The following C2CD2 variants were observed in gnomAD, a reference collection of about 807,000 sequenced individuals.
C2CD2 encodes the protein C2 calcium dependent domain containing 2.
Under a neutral mutation model 74.3 loss-of-function variants are expected in C2CD2, and 43 were observed. The observed-to-expected ratio is 0.58, with a 90% CI of 0.45 to 0.75. C2CD2 has a LOEUF of 0.75. C2CD2 is among the 30% of genes least tolerant of loss of function. C2CD2 has a pLI of 0.00. For synonymous variants in C2CD2, 422 were observed against 390.7 expected, an observed-to-expected ratio of 1.08 and a Z score of -0.94; for missense variants, 801 against 916.3, an observed-to-expected ratio of 0.87 and a Z score of 1.63.
At chr21:41,950,507 G>A (rs1298861323) in intron 1 of C2CD2, among the ~76,000 whole-genome samples, 2 of 152,230 alleles carry the variant, frequency 1.3e-5, no homozygotes, top group Non-Finnish European at 2.9e-5. Context: ...GGACTCCTCC[G>A]GTGCTGACCA....
At chr21:41,914,847 G>A (rs928890046) in intron 5 of C2CD2, 126 bp from the exon 6 acceptor site, 1 of 725,890 alleles carries the variant, frequency 1.4e-6, no homozygotes, top group African/African-American at 1.8e-5. Flanking sequence ...CCTGCACAGG[G>A]AGCCCGAGCT....
At chr21:41,901,139 C>A (rs923733362) in intron 12 of C2CD2, 8 of 209,296 alleles carry the variant, frequency 3.8e-5, no homozygotes, top group African/African-American at 9.2e-5. Context: ...CGTCCCAGAG[C>A]GGGAGAAGGG....
At chr21:41,891,667 T>C (rs1224075813) in intron 13 of C2CD2, among the ~76,000 whole-genome samples, 1 of 152,092 alleles carries the variant, frequency 6.6e-6, no homozygotes, top group Non-Finnish European at 1.5e-5. Context: ...TTGGAGGCCC[T>C]GAAGGGCCTA....
chr21:41,924,617 T>C lies in C2CD2; in HGVS notation c.379-2532A>G, dbSNP rs573430731. ...GAACATGCTTTGTGGCCAGATGAGTTACACGCACCAATGGCATGACACTGA... is the reference window on the plus strand; with the variant it reads ...GAACATGCTTTGTGGCCAGATGAGTCACACGCACCAATGGCATGACACTGA... On this transcript the variant is annotated intron_variant, in intron 2 of 13. Coordinates refer to ENST00000380486, the MANE Select transcript of C2CD2 (RefSeq NM_015500.2). The surrounding 1 kb of genome is among the most constrained non-coding windows in gnomAD (Gnocchi z 4.4). Among the ~76,000 whole-genome samples, 89 of 152,346 alleles carry C rather than the reference T, an allele frequency of 5.8e-4. No homozygotes were observed. The highest frequency in any genetic ancestry group is 2.0e-3 in the African/African-American group (85 of 41,572).
At chr21:41,920,437 T>C (rs1391825335) in intron 3 of C2CD2, among the ~76,000 whole-genome samples, 1 of 152,246 alleles carries the variant, frequency 6.6e-6, no homozygotes, top group Non-Finnish European at 1.5e-5. Context: ...AAGTGGACTC[T>C]CACCTCATGC....
chr21:41,937,646 T>C (rs2146221063), intron 2 of C2CD2, among the ~76,000 whole-genome samples: 1 of 152,184 alleles, frequency 6.6e-6, no homozygotes, highest in East Asian at 1.9e-4. Flanking sequence ...GGAAATAAAA[T>C]CAGTATGTTG....
chr21:41,911,000 T>C (rs2065019718), intron 7 of C2CD2, among the ~76,000 whole-genome samples: 3 of 75,130 alleles, frequency 4.0e-5, no homozygotes, highest in Admixed American at 3.3e-4. Flanking sequence ...CCAATACTTC[T>C]AGAATAAAAT....
intron 2 of C2CD2, among the ~76,000 whole-genome samples, chr21:41,940,375 TA>T (rs1410617368): frequency 6.6e-6 from 1 of 152,058 alleles, no homozygotes; most frequent in East Asian, 1.9e-4. Context: ...AAAGTGTACA[TA>T]AAAAATGGTA....
At chr21:41,918,764 ACC>A (rs2065121559) in intron 4 of C2CD2, 90 bp downstream of exon 4, 2 of 974,984 alleles carry the variant, frequency 2.1e-6, no homozygotes, top group South Asian at 1.4e-5. Context: ...GGCCAGCAAC[ACC>A]AGCCATGCAC....
chr21:41,896,527 C>G (rs2064824099), intron 13 of C2CD2, among the ~76,000 whole-genome samples: 1 of 152,008 alleles, frequency 6.6e-6, no homozygotes, highest in Admixed American at 6.5e-5. Context: ...TGAGTATATC[C>G]ACGACCAACT....
At position 41,953,478 on chromosome 21, in the gene C2CD2, G is replaced by A. The variant is rs1377871546; in HGVS notation, c.171C>T (p.Arg57=). ...RRAVEPGEGP[R]PGSDALLSWI... ...AGGAGAGCAGCGCGTCGGACCCCGG[G>A]CGCGGCCCCTCTCCAGGCTCCACCG... Residue 57 remains arginine (R), a synonymous_variant, in exon 1 of 14, where the codon CGC becomes CGT. Transcript: ENST00000380486. 2.7e-6 allele frequency: 4 copies of A among 1,483,260 alleles called. No homozygotes were observed. Among genetic ancestry groups the A allele is most frequent in the Non-Finnish European group, 3.6e-6 (4 of 1,114,658 alleles). 91.9% of individuals were successfully genotyped at this position (1,483,260 alleles called of 1,614,324 possible).
At chr21:41,907,414 T>C (rs1180473819) in intron 9 of C2CD2, among the ~76,000 whole-genome samples, 1 of 152,132 alleles carries the variant, frequency 6.6e-6, no homozygotes, top group Non-Finnish European at 1.5e-5. Context: ...TCAAAGGCCT[T>C]TTTGGGGTAG....
intron 6 of C2CD2, 126 bp downstream of exon 6, chr21:41,914,472 G>A: frequency 1.5e-6 from 1 of 680,752 alleles, no homozygotes; most frequent in Non-Finnish European, 2.4e-6. Flanking sequence ...CTGCAACCGT[G>A]GCAGGGCTCC....
chr21:41,887,408 G>T lies in C2CD2; in HGVS notation c.*1716C>A, dbSNP rs1470371260. ...AAGTTTGTAATGCGCATTTTAAAGT[G>T]AAATTCCTAATGTCGTTTTCTAATC... On this transcript the variant is annotated 3_prime_UTR_variant, in exon 14 of 14. Coordinates refer to ENST00000380486, the MANE Select transcript of C2CD2 (RefSeq NM_015500.2). The T allele has an allele frequency of 2.0e-5, 3 of 151,826 alleles. No individual in the cohort carries two copies. The highest frequency in any genetic ancestry group is 7.3e-5 in the African/African-American group (3 of 41,318). The allele number at this position is 151,826 out of a possible 1,614,324, so 9.4% of individuals were successfully genotyped here.
chr21:41,890,279 T>C (rs556796621), intron 13 of C2CD2, among the ~76,000 whole-genome samples: 1 of 152,330 alleles, frequency 6.6e-6, no homozygotes, highest in Non-Finnish European at 1.5e-5. Context: ...TTTTGTGTGG[T>C]TCGATGTATC....
intron 5 of C2CD2, among the ~76,000 whole-genome samples, chr21:41,915,666 T>G (rs989565932): frequency 1.3e-5 from 2 of 152,096 alleles, no homozygotes; most frequent in African/African-American, 4.8e-5. Context: ...TCTCGAAATC[T>G]CCACTTCAGG....
At chr21:41,941,379 A>G (rs1033735257) in intron 2 of C2CD2, among the ~76,000 whole-genome samples, 3 of 152,140 alleles carry the variant, frequency 2.0e-5, no homozygotes, top group African/African-American at 7.2e-5. Flanking sequence ...AACAAAGCCA[A>G]AAAAGAGAGA....
chr21:41,928,702 A>T (rs1481163304), intron 2 of C2CD2, among the ~76,000 whole-genome samples: 1 of 151,918 alleles, frequency 6.6e-6, no homozygotes, highest in Non-Finnish European at 1.5e-5. Flanking sequence ...CCACCCCCCA[A>T]TCCCGCAGCT....
At chr21:41,907,237 G>GC (rs1350825137) in intron 9 of C2CD2, 71 bp from the exon 10 acceptor site, 3 of 1,177,094 alleles carry the variant, frequency 2.5e-6, no homozygotes, top group Non-Finnish European at 3.8e-6. Context: ...AGGTAACACT[G>GC]CCTTCTTGTG....
Sources: gnomAD v4.1 joint callset for allele counts (sites outside exome capture counted in the v4.1 genomes callset) on GRCh38, gnomAD v4.1.1 for gene constraint, Gnocchi (gnomAD v3.1) non-coding constraint, MANE v1.5 for transcripts, NCBI Gene and HGNC (gene_info 2026-07-23, HGNC 2026-07-21) for gene names.